PCDHGA1: variants seen among roughly 807,000 people sequenced by gnomAD.
PCDHGA1 encodes protocadherin gamma subfamily A, 1.
In PCDHGA1, 32 loss-of-function variants were observed where a neutral mutation model predicts 58.0. The ratio of observed to expected loss-of-function variants is 0.55; its 90% CI spans 0.42 to 0.74. The LOEUF is 0.74. Ranked by LOEUF, PCDHGA1 falls within the 30% of genes least tolerant of loss-of-function variation. PCDHGA1 has a pLI of 0.00. For missense variants in PCDHGA1, 1,205 were observed against 1,182.3 expected (o/e 1.02, Z -0.28); for synonymous variants, 498 against 501.1 (o/e 0.99, Z 0.08).
chr5:141,415,404 C>T, intron 1 of PCDHGA1: 1 of 1,614,238 alleles, frequency 6.2e-7, no homozygotes, highest in Non-Finnish European at 8.5e-7. Context: ...CCGGCTCGCA[C>T]TTTGTGGGCG....
At chr5:141,403,596 C>G (rs746360206) in intron 1 of PCDHGA1, 16 of 1,613,650 alleles carry the variant, frequency 9.9e-6, no homozygotes, top group African/African-American at 2.7e-5. Flanking sequence ...CTCACGGCCT[C>G]GGATGGCGGC....
At chr5:141,399,763 G>A (rs753865606) in intron 1 of PCDHGA1, 8 of 1,613,378 alleles carry the variant, frequency 5.0e-6, no homozygotes, top group Admixed American at 1.7e-5. Context: ...GAGCCTGCGC[G>A]TGTTGGTGGG....
intron 1 of PCDHGA1, chr5:141,478,623 G>GT (rs1337268572): frequency 1.3e-5 from 20 of 1,554,356 alleles, no homozygotes; most frequent in Admixed American, 3.9e-5. Flanking sequence ...GAATGGAGCT[G>GT]TTTTTTTAGT....
In PCDHGA1 at chr5:141,371,998, G is replaced by T. The variant is rs893704391; in HGVS notation, c.2421+38893G>T. ...GCCTTCGAGCTCACTCTGCAGGCCCGCGACCAGGGCTCGCCTACGCTCAGC... is the reference window on the plus strand; with the variant it reads ...GCCTTCGAGCTCACTCTGCAGGCCCTCGACCAGGGCTCGCCTACGCTCAGC... On this transcript the variant is annotated intron_variant, in intron 1 of 3. Transcript: ENST00000517417. The T allele has an allele frequency of 3.1e-6, 5 of 1,613,148 alleles. No homozygotes were observed. In the African/African-American group the frequency reaches 6.7e-5, roughly 22 times the overall value.
chr5:141,410,788 C>A, intron 1 of PCDHGA1: 2 of 712,228 alleles, frequency 2.8e-6, no homozygotes, highest in Non-Finnish European at 4.0e-6. Context: ...GTATTTGGTT[C>A]ATAAGTTGCT....
intron 1 of PCDHGA1, chr5:141,356,697 A>C (rs1760310334): frequency 6.2e-7 from 1 of 1,613,888 alleles, no homozygotes; most frequent in Non-Finnish European, 8.5e-7. Context: ...TCCAGGGTGC[A>C]CCTCTGTCCT....
Position 141,477,931 on chromosome 5 carries a change from G to T in PCDHGA1, c.2422-16876G>T. 6.2e-7 allele frequency: 1 copy of T among 1,614,138 alleles called. No homozygotes were observed. Among genetic ancestry groups the T allele is most frequent in the Non-Finnish European group, 8.5e-7 (1 of 1,180,040 alleles). ...ACGCGGATGCAGGGCACAATGCCTG[G>T]CTCTCCTACAGTCTCTTGGGATCCC... On this transcript the variant is annotated intron_variant, in intron 1 of 3. Coordinates refer to ENST00000517417, the MANE Select transcript of PCDHGA1 (RefSeq NM_018912.3). This position sits in a 1 kb window ranked among gnomAD's most constrained non-coding sequence, Gnocchi z 4.9.
chr5:141,376,576 T>G, intron 1 of PCDHGA1: 1 of 1,596,960 alleles, frequency 6.3e-7, no homozygotes, highest in Non-Finnish European at 8.5e-7. Context: ...TCAGACAGGC[T>G]CATCAGCTAG....
intron 1 of PCDHGA1, chr5:141,399,911 G>A: frequency 6.2e-7 from 1 of 1,612,384 alleles, no homozygotes; most frequent in Non-Finnish European, 8.5e-7. Flanking sequence ...GCAGACTCAG[G>A]ACACAACGCC....
chr5:141,430,383 GAAA>G (rs139772145), intron 1 of PCDHGA1, among the ~76,000 whole-genome samples: 9 of 138,566 alleles, frequency 6.5e-5, no homozygotes, highest in African/African-American at 2.4e-4. Context: ...AGCTCATTGG[GAAA>G]AAAAAAAAAA....
At chr5:141,366,184 G>T in intron 1 of PCDHGA1, 2 of 1,613,984 alleles carry the variant, frequency 1.2e-6, no homozygotes, top group South Asian at 1.1e-5. Flanking sequence ...GACTCTTTGC[G>T]GTTGGGCTGC....
chr5:141,449,498 A>G (rs1190732747), intron 1 of PCDHGA1, among the ~76,000 whole-genome samples: 7 of 150,506 alleles, frequency 4.7e-5, no homozygotes, highest in Non-Finnish European at 8.9e-5. Flanking sequence ...GTGAGGCATG[A>G]GAAATGCTTG....
chr5:141,359,987 G>A (rs1225240319), intron 1 of PCDHGA1: 1 of 925,904 alleles, frequency 1.1e-6, no homozygotes, highest in Admixed American at 3.4e-5. Context: ...TCTTAGAGGG[G>A]AACTTCCTGC....
chr5:141,421,433 C>A lies in PCDHGA1; in HGVS notation c.2422-73374C>A, dbSNP rs772564300. 5 of 1,614,074 alleles carry A rather than the reference C, an allele frequency of 3.1e-6. No homozygotes were observed. In the African/African-American group the frequency reaches 4.0e-5, roughly 13 times the overall value. On this transcript the variant is annotated intron_variant, in intron 1 of 3. Coordinates refer to ENST00000517417, the MANE Select transcript of PCDHGA1 (RefSeq NM_018912.3). ...GCGAAGCGCGGAGTCCGCATCGTCTCCAGAGGGAAGACACAGCTTTTCGCT... is the reference window on the plus strand; with the variant it reads ...GCGAAGCGCGGAGTCCGCATCGTCTACAGAGGGAAGACACAGCTTTTCGCT...
chr5:141,412,415 T>C (rs897201034), intron 1 of PCDHGA1: 5 of 152,248 alleles, frequency 3.3e-5, no homozygotes, highest in Non-Finnish European at 4.4e-5. Context: ...AGATAAAGTA[T>C]GTTTTACACA....
In PCDHGA1 at chr5:141,399,542, C is replaced by T. The variant is rs761214012; in HGVS notation, c.2421+66437C>T. The T allele has an allele frequency of 5.6e-6, 9 of 1,614,046 alleles. No homozygotes were observed. The South Asian group carries it at 8.8e-5, about 16-fold the overall frequency. On this transcript the variant is annotated intron_variant, in intron 1 of 3. Transcript: ENST00000517417. ...GGGGCCTCCATCGCGCAAGTCTGCGCCTCGGACCTGGACTTGGGGTTGAAC... is the reference window on the plus strand; with the variant it reads ...GGGGCCTCCATCGCGCAAGTCTGCGTCTCGGACCTGGACTTGGGGTTGAAC...
At chr5:141,409,529 G>T (rs2095278932) in intron 1 of PCDHGA1, 1 of 1,613,962 alleles carries the variant, frequency 6.2e-7, no homozygotes, top group Non-Finnish European at 8.5e-7. Flanking sequence ...CTTGTATGTC[G>T]CTGACATCAA....
At chr5:141,413,697 T>G in intron 1 of PCDHGA1, 4 of 1,613,632 alleles carry the variant, frequency 2.5e-6, no homozygotes, top group Non-Finnish European at 3.4e-6. Flanking sequence ...TGCAGAGCTA[T>G]CAGCTCAGCC....
In PCDHGA1 at chr5:141,440,050, G is replaced by C. The variant is rs747798063; in HGVS notation, c.2422-54757G>C. On this transcript the variant is annotated intron_variant, in intron 1 of 3. Coordinates refer to ENST00000517417, the MANE Select transcript of PCDHGA1 (RefSeq NM_018912.3). ...GTGTCGAGGACATGCCCACTTGAAA[G>C]CTTCGGGTTAATGCTGAGGAATAAT... 6 of 152,826 alleles carry C rather than the reference G, an allele frequency of 3.9e-5. No homozygotes were observed. The East Asian group carries it at 1.2e-3, about 29-fold the overall frequency. 9.5% of individuals were successfully genotyped at this position (152,826 alleles called of 1,614,324 possible). A position where few individuals can be genotyped will look rare whatever the true frequency, so the allele number is the denominator to read the frequency against.
Sources: gnomAD v4.1 joint callset for allele counts (sites outside exome capture counted in the v4.1 genomes callset) on GRCh38, gnomAD v4.1.1 for gene constraint, Gnocchi (gnomAD v3.1) non-coding constraint, MANE v1.5 for transcripts, NCBI Gene and HGNC (gene_info 2026-07-23, HGNC 2026-07-21) for gene names.